Variants in ATP8A2 observed in about 807,000 individuals in gnomAD.
ATP8A2 encodes the protein ATPase phospholipid transporting 8A2, also known as phospholipid-transporting ATPase IB.
ATP8A2 carries 100 observed loss-of-function variants against 165.6 expected under a neutral mutation model. The observed-to-expected ratio is 0.60, with a 90% confidence interval of 0.51 to 0.71. ATP8A2 has a LOEUF of 0.71. Among genes scored for constraint, ATP8A2 ranks in the 30% least tolerant of loss-of-function variants. ATP8A2 has a pLI of 0.00. For missense variants in ATP8A2, 1,227 were observed against 1,479.5 expected, an observed-to-expected ratio of 0.83 and a Z score of 2.80; for synonymous variants, 543 against 548.8, an observed-to-expected ratio of 0.99 and a Z score of 0.15.
At position 25,847,272 on chromosome 13, in the gene ATP8A2, A is replaced by G. The variant is rs146069642; in HGVS notation, c.2956+7648A>G. Among the ~76,000 whole-genome samples the G allele has an allele frequency of 8.3e-3, 1,267 of 152,356 alleles. 18 individuals carry two copies. The highest frequency in any genetic ancestry group is 6.9e-3 in the Non-Finnish European group (470 of 68,036). On this transcript the variant is annotated intron_variant, in intron 30 of 36. Transcript: ENST00000381655. ...TGCATAACTGGTTACTAACCCGATC[A>G]TAGTACATTGAAAATATAAACAGGT...
At chr13:25,474,064 G>C (rs139549495) in intron 2 of ATP8A2, among the ~76,000 whole-genome samples, 17 of 152,142 alleles carry the variant, frequency 1.1e-4, no homozygotes, top group African/African-American at 3.6e-4. Flanking sequence ...AAGCTAGTTA[G>C]GAATGTTTAT....
chr13:25,706,631 A>G (rs1214183361), intron 25 of ATP8A2, among the ~76,000 whole-genome samples: 3 of 152,194 alleles, frequency 2.0e-5, no homozygotes, highest in African/African-American at 7.2e-5. Context: ...CCATATTGGT[A>G]GGGATCCAAT....
rs2044136298 is a variant in ATP8A2 at position 25,750,724 on chromosome 13, G to A, written c.2385-18322G>A. Among the ~76,000 whole-genome samples, 1 of 152,190 alleles carries A rather than the reference G, an allele frequency of 6.6e-6. No homozygotes were observed. Among genetic ancestry groups the A allele is most frequent in the Non-Finnish European group, 1.5e-5 (1 of 68,036 alleles). ...GCATCGAGTTTATACGAGCACATGG[G>A]CATCAAAAAGCTTGCGAAGAAAAGT... On this transcript the variant is annotated intron_variant, in intron 25 of 36. Transcript: ENST00000381655. This position sits in a 1 kb window ranked among gnomAD's most constrained non-coding sequence, Gnocchi z 4.3.
chr13:25,891,445 C>T (rs150253680), intron 33 of ATP8A2, among the ~76,000 whole-genome samples: 3,790 of 152,220 alleles, frequency 0.025, 99 homozygotes, highest in Non-Finnish European at 0.036. Flanking sequence ...ACCTCAGCCT[C>T]CCAAACAGCT....
chr13:25,717,607 C>T (rs3117861), intron 25 of ATP8A2, among the ~76,000 whole-genome samples: 26,415 of 151,980 alleles, frequency 0.17, 2,811 homozygotes, highest in East Asian at 0.38. Flanking sequence ...CAAAAAGCAT[C>T]TAAAGATTGA....
chr13:25,745,832 G>T (rs1339990926), intron 25 of ATP8A2, among the ~76,000 whole-genome samples: 1 of 152,140 alleles, frequency 6.6e-6, no homozygotes, highest in Admixed American at 6.5e-5. Flanking sequence ...TGAGTTTTTT[G>T]AATCATCCTC....
At chr13:25,850,232 G>A (rs1426589419) in intron 30 of ATP8A2, among the ~76,000 whole-genome samples, 1 of 152,184 alleles carries the variant, frequency 6.6e-6, no homozygotes, top group African/African-American at 2.4e-5. Flanking sequence ...TACCAGTGAC[G>A]GGTGTCTGCG....
At chr13:25,847,527 G>A (rs1213364994) in intron 30 of ATP8A2, among the ~76,000 whole-genome samples, 7 of 152,124 alleles carry the variant, frequency 4.6e-5, no homozygotes, top group Admixed American at 3.9e-4. Flanking sequence ...AGACAGTTGG[G>A]TTTGGTGTAA....
intron 24 of ATP8A2, among the ~76,000 whole-genome samples, chr13:25,615,727 A>G (rs1213823243): frequency 6.6e-6 from 1 of 152,274 alleles, no homozygotes; most frequent in African/African-American, 2.4e-5. Context: ...ACTCTTCCCA[A>G]TTCTTCTTGT....
chr13:25,809,670 C>G (rs1256283867), intron 27 of ATP8A2, among the ~76,000 whole-genome samples: 1 of 152,040 alleles, frequency 6.6e-6, no homozygotes, highest in Non-Finnish European at 1.5e-5. Flanking sequence ...TCTCCTCTAG[C>G]TCACAACACC....
chr13:25,484,895 A>G (rs1343578778), intron 2 of ATP8A2, among the ~76,000 whole-genome samples: 1 of 152,236 alleles, frequency 6.6e-6, no homozygotes, highest in Admixed American at 6.5e-5. Flanking sequence ...TTTTGAAAGT[A>G]TTGCTGTCTA....
chr13:25,481,004 A>C (rs1398175289), intron 2 of ATP8A2, among the ~76,000 whole-genome samples: 1 of 152,152 alleles, frequency 6.6e-6, no homozygotes, highest in Non-Finnish European at 1.5e-5. Context: ...AAAAATATGA[A>C]AACCAGTCAG....
intron 33 of ATP8A2, among the ~76,000 whole-genome samples, chr13:25,956,955 GA>G (rs1955538593): frequency 6.6e-6 from 1 of 152,140 alleles, no homozygotes; most frequent in South Asian, 2.1e-4. Context: ...AGAGGCCTCA[GA>G]AATAATTCCA....
At chr13:25,739,825 CAA>C (rs1412789862) in intron 25 of ATP8A2, among the ~76,000 whole-genome samples, 1 of 152,062 alleles carries the variant, frequency 6.6e-6, no homozygotes. Flanking sequence ...CAGGAAATAA[CAA>C]AATGAGATAC....
At chr13:25,890,484 A>G (rs1566240934) in intron 33 of ATP8A2, among the ~76,000 whole-genome samples, 1 of 152,238 alleles carries the variant, frequency 6.6e-6, no homozygotes, top group Non-Finnish European at 1.5e-5. Flanking sequence ...TACTGGAAGC[A>G]TGAACGTAGA....
At chr13:25,867,680 G>A (rs777754171) in intron 33 of ATP8A2, among the ~76,000 whole-genome samples, 6 of 152,130 alleles carry the variant, frequency 3.9e-5, no homozygotes, top group Admixed American at 6.5e-5. Flanking sequence ...CACAGTGAGC[G>A]GGTCAGGAAG....
chr13:25,514,422 A>G (rs2037398775), intron 2 of ATP8A2, among the ~76,000 whole-genome samples: 1 of 151,498 alleles, frequency 6.6e-6, no homozygotes, highest in African/African-American at 2.4e-5. Context: ...TTTTTCAAAG[A>G]GGAAGTGTAG....
intron 28 of ATP8A2, among the ~76,000 whole-genome samples, chr13:25,831,157 CTTTG>C (rs1357050587): frequency 1.3e-5 from 2 of 151,186 alleles, no homozygotes; most frequent in Non-Finnish European, 2.9e-5. Flanking sequence ...TAAATGTACT[CTTTG>C]TTTGATTCCG....
intron 1 of ATP8A2, among the ~76,000 whole-genome samples, chr13:25,438,676 A>G (rs2034846909): frequency 6.6e-6 from 1 of 152,152 alleles, no homozygotes. Context: ...AGATAAGAAA[A>G]GAAGAAAAGA....
Sources: allele counts gnomAD v4.1 joint callset (sites outside exome capture counted in the v4.1 genomes callset), GRCh38; gene constraint gnomAD v4.1.1; non-coding constraint Gnocchi (gnomAD v3.1); transcripts MANE v1.5; gene names NCBI Gene and HGNC (gene_info 2026-07-23, HGNC 2026-07-21).